The following PANK2 variants were observed in gnomAD, a reference collection of about 807,000 sequenced individuals.
PANK2 encodes the protein pantothenate kinase 2.
PANK2 carries 36 observed loss-of-function variants against 43.1 expected under a neutral mutation model. That is an observed-to-expected ratio of 0.84 (90% CI 0.64 to 1.10). The LOEUF is 1.10. Ranked by LOEUF, PANK2 falls within the 50% of genes least tolerant of loss-of-function variation. The pLI is 0.00. For synonymous variants in PANK2, 281 were observed against 238.2 expected, an observed-to-expected ratio of 1.18 and a Z score of -1.66; for missense variants, 576 against 593.3, an observed-to-expected ratio of 0.97 and a Z score of 0.30.
chr20:3,920,931 C>T (rs1321467365), intron 6 of PANK2, among the ~76,000 whole-genome samples: 3 of 152,222 alleles, frequency 2.0e-5, no homozygotes, highest in African/African-American at 7.2e-5. Context: ...GTCCTTATTG[C>T]TCGCTGACTT....
At chr20:3,909,869 G>A (rs2090441160) in intron 2 of PANK2, among the ~76,000 whole-genome samples, 1 of 152,100 alleles carries the variant, frequency 6.6e-6, no homozygotes, top group Non-Finnish European at 1.5e-5. Context: ...TGGGATTATA[G>A]GCGTGAGCCA....
chr20:3,889,088 A>G (rs2146802605), upstream of PANK2: 3 of 1,529,362 alleles, frequency 2.0e-6, no homozygotes, highest in Admixed American at 2.0e-5. Flanking sequence ...TGGGGGGCGG[A>G]AGGAGGGGGT....
intron 3 of PANK2, 86 bp downstream of exon 3, chr20:3,910,916 A>AAC (rs2090459304): frequency 4.0e-6 from 6 of 1,497,030 alleles, no homozygotes; most frequent in Non-Finnish European, 5.6e-6. Flanking sequence ...CACCTTCAAG[A>AAC]ACCTGTTAGG....
At chr20:3,894,350 C>T (rs998798266) in intron 1 of PANK2, among the ~76,000 whole-genome samples, 2 of 151,818 alleles carry the variant, frequency 1.3e-5, no homozygotes, top group Non-Finnish European at 2.9e-5. Flanking sequence ...AAGTGATTCT[C>T]CTGCCTTAGC....
Position 3,889,606 on chromosome 20 carries a change from G to T in PANK2, c.176G>T (p.Ser59Ile). The T allele has an allele frequency of 6.5e-7, 1 of 1,527,250 alleles. No homozygotes were observed. 94.6% of individuals were successfully genotyped at this position (1,527,250 alleles called of 1,614,324 possible). The change falls in exon 1 of 7, where the codon AGC (serine) becomes ATC (isoleucine). Residue 59 changes from serine to isoleucine, a missense_variant. Around this residue, in one of 2 missense-constraint regions of PANK2, gnomAD observed 544 missense variants for 528.9 expected, o/e 1.03. Transcript: ENST00000610179. ...GAGCCACTGCGGCGCCGGGCGAGCA[G>T]CGCGTCGGTGCCCGCGGTCGGGGCC... is the stretch of plus-strand genomic sequence containing the variant.
At chr20:3,906,362 T>G (rs2090386406) in intron 1 of PANK2, among the ~76,000 whole-genome samples, 1 of 152,132 alleles carries the variant, frequency 6.6e-6, no homozygotes, top group Admixed American at 6.5e-5. Context: ...AGGCAGAGGT[T>G]GCAGTGAGCT....
chr20:3,889,078 TG>T (rs1568548749), upstream of PANK2: 8 of 1,463,248 alleles, frequency 5.5e-6, no homozygotes, highest in Non-Finnish European at 5.4e-6. Context: ...CATGCACAAG[TG>T]GGGGGCGGAA....
chr20:3,896,159 TCATG>T (rs1470804281), intron 1 of PANK2, among the ~76,000 whole-genome samples: 1 of 151,864 alleles, frequency 6.6e-6, no homozygotes, highest in African/African-American at 2.4e-5. Context: ...TCTCCTGGGT[TCATG>T]CCCTTTCTCT....
upstream of PANK2, chr20:3,889,166 G>C (rs144707315): frequency 1.2e-5 from 19 of 1,602,240 alleles, no homozygotes; most frequent in South Asian, 2.0e-4. Context: ...TCTCTTCTGG[G>C]CTACACCGCC....
Position 3,918,786 on chromosome 20 carries a change from C to T in PANK2, c.1322C>T (p.Ser441Leu), listed in dbSNP as rs967346135. The T allele has an allele frequency of 7.4e-6, 12 of 1,614,050 alleles. No individual in the cohort carries two copies. Among genetic ancestry groups the T allele is most frequent in the African/African-American group, 2.7e-5 (2 of 74,914 alleles). Residue 441 changes from serine (S) to leucine (L), a missense_variant, in exon 6 of 7, where the codon TCG (serine) becomes TTG (leucine). Around this residue, in one of 2 missense-constraint regions of PANK2, gnomAD observed 32 missense variants for 64.3 expected, o/e 0.50. Coordinates refer to ENST00000610179, the MANE Select transcript of PANK2 (RefSeq NM_001386393.1). ...AAGGGGCAGTTGAAAGCACTTTTTT[C>T]GGAACACGAGGTAAGCTGACTTGTT...
At chr20:3,917,630 T>C in intron 5 of PANK2, 1 of 443,464 alleles carries the variant, frequency 2.3e-6, no homozygotes, top group Admixed American at 2.5e-5. Context: ...GCTTATGGCT[T>C]GTCCCTGTGT....
chr20:3,922,331 G>A (rs1275730181), intron 6 of PANK2, among the ~76,000 whole-genome samples: 1 of 152,272 alleles, frequency 6.6e-6, no homozygotes, highest in Non-Finnish European at 1.5e-5. Context: ...TCTCTAATGT[G>A]CTATTCCTGT....
chr20:3,889,350 C>T (rs1165006928), upstream of PANK2: 3 of 1,585,794 alleles, frequency 1.9e-6, no homozygotes, highest in Non-Finnish European at 2.6e-6. Context: ...TGCGCGTTGG[C>T]GCAACGGAAG....
chr20:3,927,931 C>G lies in PANK2; in HGVS notation c.*4637C>G, dbSNP rs1422094217. On this transcript the variant is annotated 3_prime_UTR_variant, in exon 7 of 7. Coordinates refer to ENST00000610179, the MANE Select transcript of PANK2 (RefSeq NM_001386393.1). ...TGCTTGGTCAAAAAGTGGAGTACAT[C>G]TTTGCATCTTGTAACAATTTGGGCT... 1 of 152,210 alleles carries G rather than the reference C, an allele frequency of 6.6e-6. No homozygotes were observed. The highest frequency in any genetic ancestry group is 1.5e-5 in the Non-Finnish European group (1 of 68,050). The allele number at this position is 152,210 out of a possible 1,614,324, so 9.4% of individuals were successfully genotyped here.
At chr20:3,910,963 C>G (rs2090459965) in intron 3 of PANK2, 133 bp downstream of exon 3, 1 of 1,158,016 alleles carries the variant, frequency 8.6e-7, no homozygotes, top group Non-Finnish European at 1.2e-6. Flanking sequence ...AAATGTTTCT[C>G]TTTGAAAATT....
intron 1 of PANK2, among the ~76,000 whole-genome samples, chr20:3,893,924 G>GTTTTTTTTTTTTT (rs1046729224): frequency 8.0e-6 from 1 of 124,918 alleles, no homozygotes; most frequent in African/African-American, 3.3e-5. Flanking sequence ...TTTTTTGTTT[G>GTTTTTTTTTTTTT]TTTTTTGTTT....
chr20:3,891,448 T>C (rs997950988), intron 1 of PANK2: 11 of 152,218 alleles, frequency 7.2e-5, no homozygotes, highest in Non-Finnish European at 1.5e-4. Flanking sequence ...ATGAGAAAAC[T>C]GGGACACGTT....
At chr20:3,922,513 G>A (rs201644382) in intron 6 of PANK2, among the ~76,000 whole-genome samples, 7 of 152,112 alleles carry the variant, frequency 4.6e-5, no homozygotes, top group African/African-American at 1.2e-4. Flanking sequence ...CTCTCTTCAC[G>A]TTACCTTTGG....
In PANK2 at chr20:3,927,861, TACAGTC is replaced by T. The variant is rs997027718; in HGVS notation, c.*4572_*4577del. 1 of 152,200 alleles carries T rather than the reference TACAGTC, an allele frequency of 6.6e-6. No homozygotes were observed. Among genetic ancestry groups the T allele is most frequent in the Non-Finnish European group, 1.5e-5 (1 of 68,052 alleles). The allele number at this position is 152,200 out of a possible 1,614,324, so 9.4% of individuals were successfully genotyped here. ...AGTCTGCTGACACTGGTGGGGCCCT[TACAGTC>T]ACAGAAGTAAGGACTGGATGGTAAG... On this transcript the variant is annotated 3_prime_UTR_variant, in exon 7 of 7. Transcript: ENST00000610179.
Sources: gnomAD v4.1 joint callset for allele counts (sites outside exome capture counted in the v4.1 genomes callset) on GRCh38, gnomAD v4.1.1 for gene constraint, gnomAD v4.1.1 regional missense constraint, MANE v1.5 for transcripts, NCBI Gene and HGNC (gene_info 2026-07-23, HGNC 2026-07-21) for gene names.